The following ALCAM variants were observed in gnomAD, a reference collection of about 807,000 sequenced individuals.
The protein encoded by ALCAM is activated leukocyte cell adhesion molecule.
Under a neutral mutation model 70.9 loss-of-function variants are expected in ALCAM, and 30 were observed. The observed-to-expected ratio is 0.42, with a 90% CI of 0.32 to 0.57. ALCAM has a LOEUF of 0.57. Among genes scored for constraint, ALCAM ranks in the 20% least tolerant of loss-of-function variants. ALCAM has a pLI of 0.11. For missense variants in ALCAM, 591 were observed against 695.1 expected (o/e 0.85, Z 1.68); for synonymous variants, 249 against 242.5 (o/e 1.03, Z -0.25).
intron 7 of ALCAM, among the ~76,000 whole-genome samples, chr3:105,541,388 G>A (rs879582296): frequency 4.6e-5 from 7 of 151,892 alleles, no homozygotes; most frequent in African/African-American, 9.7e-5. Context: ...CAAAAGCCAT[G>A]CTGTCAATAA....
At chr3:105,450,872 C>G (rs143285165) in intron 1 of ALCAM, among the ~76,000 whole-genome samples, 63 of 151,964 alleles carry the variant, frequency 4.1e-4, no homozygotes, top group African/African-American at 1.4e-3. Flanking sequence ...ATCCTGAGGT[C>G]AAGGTATATT....
rs919749344 is a variant in ALCAM, at chr3:105,457,070, G to A, written c.74-62997G>A. Among the ~76,000 whole-genome samples the A allele has an allele frequency of 1.4e-4, 21 of 152,256 alleles. No homozygotes were observed. The East Asian group carries it at 1.5e-3, about 11-fold the overall frequency. ...TGTTGTAATTCATGGTACTACTACT[G>A]TGAGTCCTCCACCCTCCATTAGAGT... On this transcript the variant is annotated intron_variant, in intron 1 of 15. Coordinates refer to ENST00000306107, the MANE Select transcript of ALCAM (RefSeq NM_001627.4).
intron 6 of ALCAM, among the ~76,000 whole-genome samples, 161 bp from the exon 7 acceptor site, chr3:105,539,814 A>G (rs1940070464): frequency 6.6e-6 from 1 of 152,120 alleles, no homozygotes. Flanking sequence ...TTGTATAGCA[A>G]GTAGCTATTA....
intron 1 of ALCAM, among the ~76,000 whole-genome samples, chr3:105,420,943 T>C (rs1286635389): frequency 2.6e-5 from 4 of 151,444 alleles, no homozygotes; most frequent in Non-Finnish European, 4.4e-5. Context: ...AGACACAGTT[T>C]GGTTGTATTT....
At chr3:105,524,213 G>A in intron 2 of ALCAM, 76 bp from the exon 3 acceptor site, 1 of 1,252,446 alleles carries the variant, frequency 8.0e-7, no homozygotes, top group Non-Finnish European at 1.1e-6. Context: ...TATGGCCAAG[G>A]AAATGTTATT....
intron 2 of ALCAM, 103 bp downstream of exon 2, chr3:105,520,270 T>C (rs1576217580): frequency 2.5e-6 from 2 of 808,962 alleles, no homozygotes; most frequent in East Asian, 5.2e-5. Flanking sequence ...AATGCAATAT[T>C]AAACTGTGAG....
Position 105,524,369 on chromosome 3 carries a change from A to G in ALCAM, c.255A>G (p.Glu85=), listed in dbSNP as rs752827223. ...KKSVQYDDVP[E]YKDRLNLSEN... is the part of the protein sequence containing the mutation. ...GTGTGCAGTACGACGATGTACCAGA[A>G]TACAAAGACAGATTGAACCTCTCAG... The change falls in exon 3 of 16, where the codon GAA becomes GAG. Residue 85 remains glutamate, a synonymous_variant. Coordinates refer to ENST00000306107, the MANE Select transcript of ALCAM (RefSeq NM_001627.4). 2 of 1,614,162 alleles carry G rather than the reference A, an allele frequency of 1.2e-6. No homozygotes were observed. Among genetic ancestry groups the G allele is most frequent in the South Asian group, 1.1e-5 (1 of 91,084 alleles).
Position 105,552,491 on chromosome 3 carries a change from G to A in ALCAM, c.1570G>A (p.Asp524Asn). 1 of 1,611,696 alleles carries A rather than the reference G, an allele frequency of 6.2e-7. No homozygotes were observed. Among genetic ancestry groups the A allele is most frequent in the Non-Finnish European group, 8.5e-7 (1 of 1,178,324 alleles). ...ISDENREKVNDQAKLIVGIVV... is the reference protein window; with the variant it reads ...ISDENREKVNNQAKLIVGIVV... ...AGATGAAAACAGAGAAAAGGTGAAT[G>A]ACCAGGCAAAACTAATTGTGGGAAT... Residue 524 changes from aspartate to asparagine, a missense_variant, in exon 14 of 16, where the codon GAC (aspartate) becomes AAC (asparagine). Around this residue, in one of 2 missense-constraint regions of ALCAM, gnomAD observed 164 missense variants for 244.7 expected, o/e 0.67. Transcript: ENST00000306107.
intron 11 of ALCAM, 125 bp from the exon 12 acceptor site, chr3:105,550,002 T>C: frequency 2.8e-6 from 2 of 724,746 alleles, no homozygotes; most frequent in East Asian, 5.7e-5. Flanking sequence ...TGATCTTACA[T>C]AGCTTTTGAA....
intron 14 of ALCAM, among the ~76,000 whole-genome samples, chr3:105,560,343 A>C (rs1408238660): frequency 2.0e-5 from 3 of 152,132 alleles, no homozygotes; most frequent in Non-Finnish European, 4.4e-5. Flanking sequence ...TCCTTTGTGA[A>C]GCGACTATTC....
chr3:105,444,970 AAC>A (rs746829006), intron 1 of ALCAM, among the ~76,000 whole-genome samples: 2 of 152,192 alleles, frequency 1.3e-5, no homozygotes, highest in Non-Finnish European at 2.9e-5. Context: ...GGAGACAATC[AAC>A]AGTTTATCTG....
intron 1 of ALCAM, among the ~76,000 whole-genome samples, chr3:105,402,147 A>G (rs1936105658): frequency 6.6e-6 from 1 of 152,256 alleles, no homozygotes. Context: ...GCTTACTCTT[A>G]GATAATATAG....
intron 1 of ALCAM, among the ~76,000 whole-genome samples, chr3:105,391,287 A>T (rs1935810370): frequency 6.6e-6 from 1 of 152,004 alleles, no homozygotes; most frequent in African/African-American, 2.4e-5. Flanking sequence ...AGTGGTTTGT[A>T]GTTGTCCTTG....
Position 105,483,938 on chromosome 3 carries a change from CT to C in ALCAM, c.74-36124del, listed in dbSNP as rs201941897. Among the ~76,000 whole-genome samples the C allele has an allele frequency of 3.3e-5, 5 of 152,168 alleles. No homozygotes were observed. The East Asian group carries it at 9.6e-4, about 29-fold the overall frequency. On this transcript the variant is annotated intron_variant, in intron 1 of 15. Transcript: ENST00000306107. ...ACAAAACCCAATTAAGTGACAAGTA[CT>C]TTTTAACAACTTACCTGTTCTTAGA...
At chr3:105,382,890 C>T (rs906237937) in intron 1 of ALCAM, among the ~76,000 whole-genome samples, 9 of 151,790 alleles carry the variant, frequency 5.9e-5, no homozygotes, top group African/African-American at 1.7e-4. Flanking sequence ...TCAAATACTT[C>T]GGACACTTCC....
intron 15 of ALCAM, among the ~76,000 whole-genome samples, chr3:105,573,368 T>C (rs1287681316): frequency 3.3e-5 from 5 of 150,860 alleles, no homozygotes; most frequent in African/African-American, 1.2e-4. Context: ...AATCTAGATA[T>C]TTAATAAAAG....
intron 1 of ALCAM, among the ~76,000 whole-genome samples, chr3:105,438,157 A>T (rs1432471419): frequency 6.6e-6 from 1 of 151,890 alleles, no homozygotes; most frequent in Non-Finnish European, 1.5e-5. Flanking sequence ...CCAATTATTG[A>T]TCTTCTGCTA....
intron 3 of ALCAM, among the ~76,000 whole-genome samples, chr3:105,530,605 T>C (rs1416374074): frequency 6.6e-6 from 1 of 152,042 alleles, no homozygotes; most frequent in Non-Finnish European, 1.5e-5. Context: ...ATCAGTGTCT[T>C]TGGAAACTAG....
chr3:105,550,303 A>T (rs377029881), intron 12 of ALCAM, 44 bp downstream of exon 12: 2 of 1,556,746 alleles, frequency 1.3e-6, no homozygotes, highest in Non-Finnish European at 1.7e-6. Flanking sequence ...GAAAATTTGA[A>T]GTTATTCTTC....
Sources: gnomAD v4.1 joint callset for allele counts (sites outside exome capture counted in the v4.1 genomes callset) on GRCh38, gnomAD v4.1.1 for gene constraint, gnomAD v4.1.1 regional missense constraint, MANE v1.5 for transcripts, NCBI Gene and HGNC (gene_info 2026-07-23, HGNC 2026-07-21) for gene names.